MSRB3: variants seen among roughly 807,000 people sequenced by gnomAD.
MSRB3 encodes methionine sulfoxide reductase B3.
MSRB3 carries 13 observed loss-of-function variants against 21.0 expected under a neutral mutation model. That is an observed-to-expected ratio of 0.62 (90% CI 0.40 to 0.98). The LOEUF (loss-of-function observed/expected upper bound fraction) is 0.98. Ranked by LOEUF, MSRB3 falls within the 50% of genes least tolerant of loss-of-function variation. The pLI is 0.00. For synonymous variants in MSRB3, 87 were observed against 88.6 expected (o/e 0.98, Z 0.10); for missense variants, 199 against 230.3 (o/e 0.86, Z 0.88).
chr12:65,424,359 C>A (rs1263304383), intron 5 of MSRB3, among the ~76,000 whole-genome samples: 1 of 151,436 alleles, frequency 6.6e-6, no homozygotes, highest in Non-Finnish European at 1.5e-5. Flanking sequence ...TATCTTTTTG[C>A]CTAGTTTGTT....
At chr12:65,315,397 G>A (rs568757406) in intron 2 of MSRB3, among the ~76,000 whole-genome samples, 45 of 152,022 alleles carry the variant, frequency 3.0e-4, no homozygotes, top group African/African-American at 9.9e-4. Flanking sequence ...GAGGCCTGGC[G>A]CGGTGGTCGT....
intron 5 of MSRB3, among the ~76,000 whole-genome samples, chr12:65,441,731 T>C (rs933741736): frequency 6.6e-6 from 1 of 151,984 alleles, no homozygotes; most frequent in African/African-American, 2.4e-5. Context: ...TGGCAAAGAT[T>C]TCCCTAAAGG....
intron 4 of MSRB3, among the ~76,000 whole-genome samples, chr12:65,351,744 T>C (rs1200103792): frequency 4.0e-5 from 6 of 150,610 alleles, no homozygotes; most frequent in Non-Finnish European, 8.8e-5. Context: ...ACACATACAC[T>C]CTCCCAAGAC....
At chr12:65,345,988 T>C (rs1876476709) in intron 4 of MSRB3, among the ~76,000 whole-genome samples, 1 of 152,218 alleles carries the variant, frequency 6.6e-6, no homozygotes, top group Non-Finnish European at 1.5e-5. Context: ...CTATCATTGT[T>C]GGACATTTGG....
intron 5 of MSRB3, among the ~76,000 whole-genome samples, chr12:65,383,939 G>C (rs568206124): frequency 6.6e-6 from 1 of 152,162 alleles, no homozygotes; most frequent in Non-Finnish European, 1.5e-5. Context: ...GATTACAGGC[G>C]TGAGCCACTG....
chr12:65,461,287 G>C (rs564753453), intron 6 of MSRB3, among the ~76,000 whole-genome samples: 1 of 152,244 alleles, frequency 6.6e-6, no homozygotes, highest in African/African-American at 2.4e-5. Flanking sequence ...TATTTTTACT[G>C]GTTCATCTTA....
At chr12:65,284,172 G>C (rs893489411) in intron 1 of MSRB3, 1 of 152,168 alleles carries the variant, frequency 6.6e-6, no homozygotes, top group African/African-American at 2.4e-5. Context: ...AGGGAACTTG[G>C]ATTGGGTTAG....
intron 2 of MSRB3, among the ~76,000 whole-genome samples, chr12:65,315,325 C>G (rs1243225148): frequency 6.6e-6 from 1 of 151,938 alleles, no homozygotes; most frequent in African/African-American, 2.4e-5. Context: ...TTTTTTAAAA[C>G]ATTTAGTATA....
intron 5 of MSRB3, among the ~76,000 whole-genome samples, chr12:65,423,088 G>A (rs1881407726): frequency 6.6e-6 from 1 of 150,672 alleles, no homozygotes; most frequent in South Asian, 2.1e-4. Flanking sequence ...TTGGCTTCCT[G>A]AGTAGCTGGG....
At chr12:65,360,142 CT>C (rs1187096018) in intron 4 of MSRB3, among the ~76,000 whole-genome samples, 5 of 152,076 alleles carry the variant, frequency 3.3e-5, no homozygotes, top group African/African-American at 4.8e-5. Flanking sequence ...TAGGGTCCCC[CT>C]GGATGACATT....
At position 65,309,784 on chromosome 12, in the gene MSRB3, G is replaced by T. The variant is rs115233265; in HGVS notation, c.76+1129G>T. ...GTGGGGAGGCCGTTTTTAACAAAAG[G>T]AGTAGCATGGGAAAACATGAAGGCC... On this transcript the variant is annotated intron_variant, in intron 2 of 6. Coordinates refer to ENST00000308259, the MANE Select transcript of MSRB3 (RefSeq NM_001031679.3). Among the ~76,000 whole-genome samples the T allele has an allele frequency of 9.4e-3, 1,429 of 152,260 alleles. 24 individuals are homozygous for T. The highest frequency in any genetic ancestry group is 0.033 in the African/African-American group (1,378 of 41,546).
intron 5 of MSRB3, among the ~76,000 whole-genome samples, chr12:65,381,110 G>A (rs1051510673): frequency 6.6e-6 from 1 of 152,138 alleles, no homozygotes; most frequent in African/African-American, 2.4e-5. Context: ...TTCCTGCTGA[G>A]AAAGATATTC....
intron 5 of MSRB3, among the ~76,000 whole-genome samples, chr12:65,406,521 A>G (rs1488495986): frequency 6.6e-6 from 1 of 152,234 alleles, no homozygotes; most frequent in Non-Finnish European, 1.5e-5. Flanking sequence ...ACCCAAAACT[A>G]TCTACAGAGT....
chr12:65,357,367 T>A (rs1339394917), intron 4 of MSRB3, among the ~76,000 whole-genome samples: 1 of 151,966 alleles, frequency 6.6e-6, no homozygotes, highest in Non-Finnish European at 1.5e-5. Flanking sequence ...CTTCTTTGGC[T>A]TTTTAAAAAA....
intron 5 of MSRB3, among the ~76,000 whole-genome samples, chr12:65,398,390 T>A (rs1472475368): frequency 6.6e-6 from 1 of 152,230 alleles, no homozygotes; most frequent in Non-Finnish European, 1.5e-5. Context: ...ATATGTTTGT[T>A]GGCCGCATAA....
chr12:65,405,456 T>C (rs933916917), intron 5 of MSRB3, among the ~76,000 whole-genome samples: 8 of 151,506 alleles, frequency 5.3e-5, no homozygotes, highest in Non-Finnish European at 5.9e-5. Context: ...TATATATATA[T>C]ACACCACATA....
chr12:65,461,713 T>C (rs567956514), intron 6 of MSRB3, among the ~76,000 whole-genome samples: 2 of 152,332 alleles, frequency 1.3e-5, no homozygotes, highest in Non-Finnish European at 2.9e-5. Context: ...CCCCAGTCCC[T>C]TGTGAATTCA....
intron 1 of MSRB3, among the ~76,000 whole-genome samples, chr12:65,289,999 A>G (rs1420820123): frequency 2.6e-5 from 4 of 152,142 alleles, no homozygotes; most frequent in Non-Finnish European, 4.4e-5. Flanking sequence ...AGCATTTATT[A>G]TCCATATGTT....
rs759424668 is a variant in MSRB3, at chr12:65,463,109, C to T, written c.391-46C>T. On this transcript the variant is annotated intron_variant, in intron 6 of 6. Coordinates refer to ENST00000308259, the MANE Select transcript of MSRB3 (RefSeq NM_001031679.3). ...GCTTAATGTGAATTCCTCTCAAAGC[C>T]TGCTTTGTACATGCTTTTCCCTGAC... The T allele has an allele frequency of 1.9e-6, 3 of 1,610,602 alleles. No homozygotes were observed. In the South Asian group the frequency reaches 3.3e-5, roughly 18 times the overall value.
Sources: gnomAD v4.1 joint callset for allele counts (sites outside exome capture counted in the v4.1 genomes callset) on GRCh38, gnomAD v4.1.1 for gene constraint, MANE v1.5 for transcripts, NCBI Gene and HGNC (gene_info 2026-07-23, HGNC 2026-07-21) for gene names.